Variants in PAX5 observed in about 807,000 individuals in gnomAD.
PAX5 encodes the protein paired box 5.
In PAX5, 9 loss-of-function variants were observed where a neutral mutation model predicts 43.7. The observed-to-expected ratio is 0.21, with a 90% confidence interval of 0.12 to 0.36. The LOEUF is 0.36. Among genes scored for constraint, PAX5 ranks in the 10% least tolerant of loss-of-function variants. PAX5 has a pLI of 1.00. For missense variants in PAX5, 383 were observed against 532.7 expected (o/e 0.72, Z 2.77); for synonymous variants, 228 against 214.3 (o/e 1.06, Z -0.56).
At chr9:36,933,597 C>G (rs1831307759) in intron 6 of PAX5, among the ~76,000 whole-genome samples, 1 of 152,196 alleles carries the variant, frequency 6.6e-6, no homozygotes, top group African/African-American at 2.4e-5. Context: ...GACTTTACTG[C>G]CACCCCTGAA....
chr9:37,002,573 T>G, intron 5 of PAX5, 75 bp downstream of exon 5: 2 of 1,525,024 alleles, frequency 1.3e-6, no homozygotes, highest in South Asian at 2.5e-5. Context: ...GCACCTCTGC[T>G]GCCACCCGCG....
In PAX5 at chr9:36,970,019, A is replaced by T. The variant is rs573151932; in HGVS notation, c.605-3295T>A. On this transcript the variant is annotated intron_variant, in intron 5 of 9. Transcript: ENST00000358127. ...AATATTTTTTAAGTAAATATATTTT[A>T]AAAATAAACAAAAACAGGGGATACA... Among the ~76,000 whole-genome samples, 14 of 152,354 alleles carry T rather than the reference A, an allele frequency of 9.2e-5. No homozygotes were observed. The East Asian group carries it at 9.6e-4, about 10-fold the overall frequency.
In PAX5 at chr9:36,880,688, G is replaced by A. The variant is rs137942092; in HGVS notation, c.1012+1316C>T. On this transcript the variant is annotated intron_variant, in intron 8 of 9. Transcript: ENST00000358127. ...AGCAATTCTCATGCCTTAGCCTCCC[G>A]AATAGCTGGGATTACAGGTGCATGC... Among the ~76,000 whole-genome samples the A allele has an allele frequency of 5.4e-3, 821 of 152,278 alleles. 5 individuals carry two copies. The highest frequency in any genetic ancestry group is 8.2e-3 in the Non-Finnish European group (555 of 67,998).
chr9:36,901,751 C>T (rs778758971), intron 7 of PAX5, among the ~76,000 whole-genome samples: 1 of 152,210 alleles, frequency 6.6e-6, no homozygotes, highest in Non-Finnish European at 1.5e-5. Flanking sequence ...GCCCAGGTGG[C>T]ATAACCCTGG....
intron 7 of PAX5, among the ~76,000 whole-genome samples, chr9:36,906,844 C>T (rs1185004678): frequency 6.6e-6 from 1 of 152,210 alleles, no homozygotes; most frequent in Non-Finnish European, 1.5e-5. Flanking sequence ...ACTTCATCTA[C>T]ATAGTGAGTT....
intron 7 of PAX5, among the ~76,000 whole-genome samples, chr9:36,903,863 G>A (rs1254508469): frequency 6.6e-6 from 1 of 152,186 alleles, no homozygotes; most frequent in Non-Finnish European, 1.5e-5. Context: ...TCTTCAGATA[G>A]GGGTCTGTCC....
chr9:37,031,219 C>T (rs1397298506), intron 1 of PAX5, among the ~76,000 whole-genome samples: 2 of 152,224 alleles, frequency 1.3e-5, no homozygotes, highest in African/African-American at 4.8e-5. Context: ...TCATTACCAG[C>T]ATGTCCTGCA....
chr9:36,925,572 CAG>C (rs770117755), intron 6 of PAX5, among the ~76,000 whole-genome samples: 5 of 152,148 alleles, frequency 3.3e-5, no homozygotes, highest in Admixed American at 6.5e-5. Flanking sequence ...CTTTAATAAA[CAG>C]AGCAGGGGTA....
intron 8 of PAX5, among the ~76,000 whole-genome samples, chr9:36,864,785 G>A (rs572795105): frequency 1.2e-4 from 18 of 152,350 alleles, no homozygotes; most frequent in African/African-American, 4.3e-4. Flanking sequence ...CAGTCTAGAG[G>A]TGCCCCTCGG....
Position 36,835,360 on chromosome 9 carries a change from G to A in PAX5, c.*5200C>T, listed in dbSNP as rs10973097. 0.032 allele frequency: 7,538 copies of A among 232,482 alleles called. 554 individuals are homozygous for A. The highest frequency in any genetic ancestry group is 0.15 in the African/African-American group (6,855 of 45,340). The allele number at this position is 232,482 out of a possible 1,614,324, so 14.4% of individuals were successfully genotyped here. A position where few individuals can be genotyped will look rare whatever the true frequency, so the allele number is the denominator to read the frequency against. On this transcript the variant is annotated 3_prime_UTR_variant, in exon 10 of 10. Transcript: ENST00000358127. ...GGCTGGTGCCTGCCTGCTCCTGGCC[G>A]GCAGCTCATTTCAGAGAAGCTGTTG...
At chr9:36,933,712 T>G (rs934449112) in intron 6 of PAX5, among the ~76,000 whole-genome samples, 2 of 152,228 alleles carry the variant, frequency 1.3e-5, no homozygotes, top group African/African-American at 4.8e-5. Flanking sequence ...TGCCCTGCGT[T>G]CTTTAAACCT....
At chr9:36,981,195 C>CCCT (rs1835897225) in intron 5 of PAX5, among the ~76,000 whole-genome samples, 4 of 145,286 alleles carry the variant, frequency 2.8e-5, no homozygotes, top group East Asian at 2.0e-4. Flanking sequence ...GCCCCCCCCC[C>CCCT]CTCAGCCCTG....
chr9:36,935,135 C>T (rs1433118768), intron 6 of PAX5, among the ~76,000 whole-genome samples: 1 of 151,988 alleles, frequency 6.6e-6, no homozygotes, highest in Non-Finnish European at 1.5e-5. Flanking sequence ...TAATCCCAGC[C>T]CTTTGGGAGG....
chr9:36,945,585 T>C (rs1209306606), intron 6 of PAX5, among the ~76,000 whole-genome samples: 1 of 152,194 alleles, frequency 6.6e-6, no homozygotes, highest in African/African-American at 2.4e-5. Context: ...TCAAGTAACC[T>C]ATCAAAGGGC....
At chr9:36,998,301 T>C (rs1049552364) in intron 5 of PAX5, among the ~76,000 whole-genome samples, 6 of 152,210 alleles carry the variant, frequency 3.9e-5, no homozygotes, top group African/African-American at 1.2e-4. Context: ...ATCTCTATAC[T>C]GAAAGGGCCC....
intron 3 of PAX5, 97 bp from the exon 4 acceptor site, chr9:37,006,634 G>T: frequency 3.1e-6 from 3 of 956,472 alleles, no homozygotes; most frequent in Non-Finnish European, 5.1e-6. Flanking sequence ...TCATACCCAA[G>T]CTGGGCCATG....
At chr9:36,934,381 G>A (rs1831379202) in intron 6 of PAX5, among the ~76,000 whole-genome samples, 1 of 152,194 alleles carries the variant, frequency 6.6e-6, no homozygotes. Flanking sequence ...AAAACAGCAG[G>A]AGGAATCCTT....
chr9:36,960,573 G>T (rs530100993), intron 6 of PAX5, among the ~76,000 whole-genome samples: 6 of 152,176 alleles, frequency 3.9e-5, no homozygotes, highest in African/African-American at 7.2e-5. Flanking sequence ...GAGATCCAAC[G>T]GTAGTCGCAG....
chr9:36,846,735 C>A, intron 9 of PAX5, 108 bp downstream of exon 9: 1 of 708,956 alleles, frequency 1.4e-6, no homozygotes. Context: ...GCTACCCACC[C>A]ACCTCAGTGA....
Sources: allele counts gnomAD v4.1 joint callset (sites outside exome capture counted in the v4.1 genomes callset), GRCh38; gene constraint gnomAD v4.1.1; transcripts MANE v1.5; gene names NCBI Gene and HGNC (gene_info 2026-07-23, HGNC 2026-07-21).